Variants in SDR42E2 observed in about 807,000 individuals in gnomAD.
The protein encoded by SDR42E2 is short chain dehydrogenase/reductase family 42E, member 2.
SDR42E2 carries 20 observed loss-of-function variants against 10.5 expected under a neutral mutation model. The observed-to-expected ratio is 1.90, with a 90% CI of 1.34 to 2.77. The LOEUF (loss-of-function observed/expected upper bound fraction) is 2.77. Among genes scored for constraint, SDR42E2 ranks in the 30% most tolerant of loss-of-function variants. The pLI is 0.00. For missense variants in SDR42E2, 162 were observed against 104.2 expected (o/e 1.55, Z -2.42); for synonymous variants, 72 against 39.2 (o/e 1.84, Z -3.12).
chr16:22,169,575 T>A lies in SDR42E2; in HGVS notation c.394+73T>A, dbSNP rs1459801948. 7 of 702,512 alleles carry A rather than the reference T, an allele frequency of 1.0e-5. No homozygotes were observed. In the African/African-American group the frequency reaches 1.2e-4, roughly 12 times the overall value. 43.5% of individuals were successfully genotyped at this position (702,512 alleles called of 1,614,324 possible). On this transcript the variant is annotated intron_variant, in intron 5 of 12. Coordinates refer to ENST00000602312, the MANE Select transcript of SDR42E2 (RefSeq NM_001394319.2). Reference sequence around the variant, plus strand: ...TCCCTTCTCCTGCTGCAGGCCTGGCTCCCAGGGTGTAGGGTCAAAGGGAGG... The same window carrying A: ...TCCCTTCTCCTGCTGCAGGCCTGGCACCCAGGGTGTAGGGTCAAAGGGAGG...
At chr16:22,171,227 G>A (rs1186630158) in intron 6 of SDR42E2, among the ~76,000 whole-genome samples, 3 of 151,108 alleles carry the variant, frequency 2.0e-5, no homozygotes, top group Admixed American at 6.6e-5. Flanking sequence ...CTTTGAGCCT[G>A]TTTTTTTTTC....
intron 7 of SDR42E2, among the ~76,000 whole-genome samples, chr16:22,174,196 G>T (rs1361557548): frequency 1.3e-5 from 2 of 151,994 alleles, no homozygotes; most frequent in South Asian, 4.2e-4. Context: ...AGCTGGGCAT[G>T]GCAATGCGTC....
intron 5 of SDR42E2, among the ~76,000 whole-genome samples, chr16:22,170,584 C>A (rs2046589804): frequency 6.6e-6 from 1 of 152,094 alleles, no homozygotes; most frequent in African/African-American, 2.4e-5. Context: ...AAGGAGCAGA[C>A]CTGGCTCCCA....
chr16:22,181,496 T>C (rs1309081611), intron 8 of SDR42E2, 23 bp from the exon 9 acceptor site: 1 of 702,888 alleles, frequency 1.4e-6, no homozygotes, highest in Non-Finnish European at 2.6e-6. Context: ...CAAGCCTGTT[T>C]ATCACCCACT....
chr16:22,185,383 T>C lies in SDR42E2; in HGVS notation c.940+1139T>C, dbSNP rs1309404246. Among the ~76,000 whole-genome samples, 7 of 152,142 alleles carry C rather than the reference T, an allele frequency of 4.6e-5. 1 individual carries two copies. The South Asian group carries it at 1.0e-3, about 22-fold the overall frequency. ...GCAGGGCAACTTCTCATGCACAGCA[T>C]TGCCGCAGTGATTGGTACTCCCGGC... On this transcript the variant is annotated intron_variant, in intron 11 of 12. Transcript: ENST00000602312.
intron 4 of SDR42E2, among the ~76,000 whole-genome samples, chr16:22,168,221 C>T (rs973544351): frequency 6.6e-6 from 1 of 151,262 alleles, no homozygotes; most frequent in Non-Finnish European, 1.5e-5. Flanking sequence ...ATAGTGAGAC[C>T]CCTATCTCTA....
At chr16:22,178,300 T>C in intron 8 of SDR42E2, 88 bp downstream of exon 8, 1 of 647,678 alleles carries the variant, frequency 1.5e-6, no homozygotes, top group Non-Finnish European at 2.8e-6. Flanking sequence ...CCCTGGTCGC[T>C]GCATCAGTCT....
At chr16:22,179,483 A>G (rs1192155998) in intron 8 of SDR42E2, among the ~76,000 whole-genome samples, 1 of 152,170 alleles carries the variant, frequency 6.6e-6, no homozygotes, top group Admixed American at 6.6e-5. Context: ...TTATCTTCTC[A>G]TATGAAGAGA....
intron 12 of SDR42E2, among the ~76,000 whole-genome samples, chr16:22,189,420 G>A (rs2046755782): frequency 6.6e-6 from 1 of 152,170 alleles, no homozygotes; most frequent in Non-Finnish European, 1.5e-5. Flanking sequence ...TTCCAAGTAT[G>A]CACAGAACAG....
chr16:22,173,210 A>G (rs529615263), intron 7 of SDR42E2, among the ~76,000 whole-genome samples: 10 of 152,048 alleles, frequency 6.6e-5, no homozygotes, highest in African/African-American at 2.4e-4. Context: ...TTCAAATACA[A>G]TTATTAATCT....
rs1407243984 is a variant in SDR42E2 at position 22,166,411 on chromosome 16, T to C, written c.217T>C (p.Ser73Pro). Reference sequence around the variant, plus strand: ...CCGCCGCAGACCCCAGTGGGAACTGTCCCCGGAAACCAAGTTCATCCAGGT... The same window carrying C: ...CCGCCGCAGACCCCAGTGGGAACTGCCCCCGGAAACCAAGTTCATCCAGGT... ...LDRRRPQWELSPETKFIQADV... is the reference protein window; with the variant it reads ...LDRRRPQWELPPETKFIQADV... Residue 73 changes from serine (S) to proline (P), a missense_variant, in exon 3 of 13, where the codon TCC becomes CCC. Transcript: ENST00000602312. The C allele has an allele frequency of 2.5e-6, 1 of 402,092 alleles. No individual in the cohort carries two copies. Among genetic ancestry groups the C allele is most frequent in the African/African-American group, 2.1e-5 (1 of 48,600 alleles). The allele number at this position is 402,092 out of a possible 1,614,324, so 24.9% of individuals were successfully genotyped here.
chr16:22,185,877 G>C (rs1182872279), intron 11 of SDR42E2, among the ~76,000 whole-genome samples: 1 of 152,034 alleles, frequency 6.6e-6, no homozygotes, highest in Non-Finnish European at 1.5e-5. Flanking sequence ...GAGTAGTGGA[G>C]GTAACAGGCA....
chr16:22,170,128 G>C (rs1180408047), intron 5 of SDR42E2, among the ~76,000 whole-genome samples: 1 of 152,176 alleles, frequency 6.6e-6, no homozygotes, highest in African/African-American at 2.4e-5. Context: ...GCCGAGGCAG[G>C]TGGATCACCT....
chr16:22,167,085 A>G, intron 4 of SDR42E2, 86 bp downstream of exon 4: 1 of 567,326 alleles, frequency 1.8e-6, no homozygotes, highest in Non-Finnish European at 3.3e-6. Flanking sequence ...ATTCCCTATC[A>G]TGCTTCACCT....
intron 7 of SDR42E2, among the ~76,000 whole-genome samples, chr16:22,175,445 A>G (rs1476969342): frequency 6.6e-6 from 1 of 151,444 alleles, no homozygotes; most frequent in Admixed American, 6.6e-5. Context: ...ACAAAAGACA[A>G]TCGTTTCTTC....
In SDR42E2 at chr16:22,181,595, A is replaced by G. The variant is rs537017266; in HGVS notation, c.749A>G (p.Asn250Ser). 4.3e-6 allele frequency: 3 copies of G among 703,014 alleles called. No homozygotes were observed. In the East Asian group the frequency reaches 8.0e-5, roughly 19 times the overall value. 43.5% of individuals were successfully genotyped at this position (703,014 alleles called of 1,614,324 possible). A position where few individuals can be genotyped will look rare whatever the true frequency, so the allele number is the denominator to read the frequency against. The change falls in exon 9 of 13, where the codon AAT becomes AGT. Residue 250 changes from asparagine to serine, a missense_variant. Coordinates refer to ENST00000602312, the MANE Select transcript of SDR42E2 (RefSeq NM_001394319.2). ...CGGATGAACTGGGTCCACGTACACAATCTGGTGCAGGCACACGTGCTGGCG... is the reference window on the plus strand; with the variant it reads ...CGGATGAACTGGGTCCACGTACACAGTCTGGTGCAGGCACACGTGCTGGCG... Reference protein sequence around the residue: ...KARMNWVHVHNLVQAHVLAAE... With the variant: ...KARMNWVHVHSLVQAHVLAAE...
chr16:22,174,219 GC>G (rs2046625675), intron 7 of SDR42E2, among the ~76,000 whole-genome samples: 1 of 151,978 alleles, frequency 6.6e-6, no homozygotes, highest in African/African-American at 2.4e-5. Context: ...TGTAATCCCA[GC>G]TACTCAGGAG....
intron 1 of SDR42E2, among the ~76,000 whole-genome samples, chr16:22,163,706 CTAAA>C (rs2046513656): frequency 6.6e-6 from 1 of 152,054 alleles, no homozygotes; most frequent in African/African-American, 2.4e-5. Flanking sequence ...GACTCCTTCT[CTAAA>C]TAAATAAATA....
In SDR42E2 at chr16:22,179,133, G is replaced by A. The variant is rs534828219; in HGVS notation, c.672+921G>A. Among the ~76,000 whole-genome samples, 12 of 152,168 alleles carry A rather than the reference G, an allele frequency of 7.9e-5. No homozygotes were observed. The South Asian group carries it at 2.5e-3, about 32-fold the overall frequency. On this transcript the variant is annotated intron_variant, in intron 8 of 12. Coordinates refer to ENST00000602312, the MANE Select transcript of SDR42E2 (RefSeq NM_001394319.2). ...CTTCTGAGTAGGTGTGACTATAAGT[G>A]TGCACAACCATGCCTGATTGACTAT...
Sources: gnomAD v4.1 joint callset for allele counts (sites outside exome capture counted in the v4.1 genomes callset) on GRCh38, gnomAD v4.1.1 for gene constraint, MANE v1.5 for transcripts, NCBI Gene and HGNC (gene_info 2026-07-23, HGNC 2026-07-21) for gene names.